Variants in AGAP1 observed in about 807,000 individuals in gnomAD.
AGAP1 encodes ArfGAP with GTPase domain, ankyrin repeat and PH domain 1.
In AGAP1, 29 loss-of-function variants were observed where a neutral mutation model predicts 105.3. The observed-to-expected ratio is 0.28, with a 90% confidence interval of 0.21 to 0.38. The LOEUF (loss-of-function observed/expected upper bound fraction) is 0.38. Among genes scored for constraint, AGAP1 ranks in the 10% least tolerant of loss-of-function variants. The pLI is 1.00. For missense variants in AGAP1, 998 were observed against 1,165.1 expected (o/e 0.86, Z 2.09); for synonymous variants, 509 against 485.9 (o/e 1.05, Z -0.63).
intron 10 of AGAP1, among the ~76,000 whole-genome samples, chr2:235,895,866 C>G (rs2050783412): frequency 6.6e-6 from 1 of 152,200 alleles, no homozygotes; most frequent in Non-Finnish European, 1.5e-5. Flanking sequence ...AGAAATATGT[C>G]TCAGCCATAT....
At chr2:235,773,348 A>G (rs1002672246) in intron 6 of AGAP1, among the ~76,000 whole-genome samples, 1 of 152,222 alleles carries the variant, frequency 6.6e-6, no homozygotes, top group African/African-American at 2.4e-5. Flanking sequence ...GATTTGGCCT[A>G]CGGTCAGTCT....
intron 1 of AGAP1, among the ~76,000 whole-genome samples, chr2:235,673,826 C>T (rs1366447086): frequency 1.3e-5 from 2 of 152,128 alleles, no homozygotes; most frequent in Non-Finnish European, 2.9e-5. Flanking sequence ...GTTTTTCTTC[C>T]GTTAGAATCT....
rs558271386 is a variant in AGAP1 at position 236,092,186 on chromosome 2, G to A, written c.2115-28006G>A. On this transcript the variant is annotated intron_variant, in intron 16 of 17. Transcript: ENST00000304032. The surrounding 1 kb of genome is among the most constrained non-coding windows in gnomAD (Gnocchi z 4.7). ...CTTGACTGGTGCTAGATACAGGAACGTACATGTGACCAAATTGCATTGAAC... is the reference window on the plus strand; with the variant it reads ...CTTGACTGGTGCTAGATACAGGAACATACATGTGACCAAATTGCATTGAAC... Among the ~76,000 whole-genome samples, 63 of 152,252 alleles carry A rather than the reference G, an allele frequency of 4.1e-4. No homozygotes were observed. Among genetic ancestry groups the A allele is most frequent in the African/African-American group, 1.5e-3 (61 of 41,568 alleles).
At chr2:235,495,341 G>T (rs1941269645) in intron 1 of AGAP1, among the ~76,000 whole-genome samples, 1 of 152,250 alleles carries the variant, frequency 6.6e-6, no homozygotes, top group African/African-American at 2.4e-5. Flanking sequence ...GCTTAATTCA[G>T]GGGTGCAGTT....
intron 2 of AGAP1, among the ~76,000 whole-genome samples, chr2:235,713,174 C>T (rs1465736408): frequency 6.6e-6 from 1 of 152,180 alleles, no homozygotes; most frequent in Non-Finnish European, 1.5e-5. Context: ...TTTTCTTCCT[C>T]GAGAAAGAGA....
At position 235,728,724 on chromosome 2, in the gene AGAP1, A is replaced by G. The variant is rs1951783416; in HGVS notation, c.310+11080A>G. The stretch of plus-strand genomic sequence containing the variant: ...TAACACCACCATAAGCAAGAAGGAA[A>G]AAATCAACACTTGCTCTTTGAAGGC... On this transcript the variant is annotated intron_variant, in intron 3 of 17. Coordinates refer to ENST00000304032, the MANE Select transcript of AGAP1 (RefSeq NM_001037131.3). This position sits in a 1 kb window ranked among gnomAD's most constrained non-coding sequence, Gnocchi z 4.3. Among the ~76,000 whole-genome samples the G allele has an allele frequency of 6.6e-6, 1 of 152,206 alleles. No homozygotes were observed. Among genetic ancestry groups the G allele is most frequent in the African/African-American group, 2.4e-5 (1 of 41,456 alleles).
intron 1 of AGAP1, among the ~76,000 whole-genome samples, chr2:235,529,173 AG>A (rs1942957705): frequency 6.6e-6 from 1 of 152,194 alleles, no homozygotes; most frequent in African/African-American, 2.4e-5. Flanking sequence ...CCCTGTGGCC[AG>A]GCAAGTGTTG....
At chr2:235,607,772 G>A (rs1945995350) in intron 1 of AGAP1, among the ~76,000 whole-genome samples, 1 of 152,228 alleles carries the variant, frequency 6.6e-6, no homozygotes, top group African/African-American at 2.4e-5. Flanking sequence ...AGGGCAGCGG[G>A]GCGCGAGACT....
intron 1 of AGAP1, among the ~76,000 whole-genome samples, chr2:235,672,783 T>G (rs1331199074): frequency 6.6e-6 from 1 of 152,240 alleles, no homozygotes; most frequent in African/African-American, 2.4e-5. Context: ...CATTTCATTG[T>G]GGTCCCTCTT....
intron 9 of AGAP1, among the ~76,000 whole-genome samples, chr2:235,859,242 C>T (rs2048813350): frequency 6.6e-6 from 1 of 151,910 alleles, no homozygotes; most frequent in Admixed American, 6.6e-5. Context: ...TTGTTAACTC[C>T]CTCTCCACCC....
At chr2:236,074,738 T>G (rs1470760775) in intron 16 of AGAP1, among the ~76,000 whole-genome samples, 1 of 152,198 alleles carries the variant, frequency 6.6e-6, no homozygotes, top group African/African-American at 2.4e-5. Context: ...TCTATAGAAT[T>G]AACATAAAGG....
rs1382616992 is a variant in AGAP1 at position 235,953,707 on chromosome 2, G to C, written c.1484-14755G>C. On this transcript the variant is annotated intron_variant, in intron 12 of 17. Transcript: ENST00000304032. This position sits in a 1 kb window ranked among gnomAD's most constrained non-coding sequence, Gnocchi z 5.2. ...GTGCTTTGGGAGGCCAAAGCAGAAG[G>C]ATCACTCAAGCTAGGAGTTTGAGAC... 6.6e-6 allele frequency among the ~76,000 whole-genome samples: 1 copy of C among 152,122 alleles called. No individual in the cohort carries two copies. Among genetic ancestry groups the C allele is most frequent in the East Asian group, 1.9e-4 (1 of 5,174 alleles).
chr2:235,683,856 T>TCCC (rs1949229926), intron 1 of AGAP1, among the ~76,000 whole-genome samples: 1 of 145,430 alleles, frequency 6.9e-6, no homozygotes, highest in Admixed American at 6.9e-5. Flanking sequence ...AAGCCCCCCG[T>TCCC]CCCCCGCCCG....
At chr2:236,097,049 C>G (rs1450026190) in intron 16 of AGAP1, among the ~76,000 whole-genome samples, 3 of 152,112 alleles carry the variant, frequency 2.0e-5, no homozygotes, top group African/African-American at 7.2e-5. Flanking sequence ...CAAATCTGTC[C>G]TTATGGTTTG....
chr2:235,512,936 G>A (rs1480378830), intron 1 of AGAP1, among the ~76,000 whole-genome samples: 3 of 152,200 alleles, frequency 2.0e-5, no homozygotes, highest in African/African-American at 7.2e-5. Flanking sequence ...GCTCCCGGCC[G>A]GCCTAGGCCC....
chr2:235,621,901 A>ACC lies in AGAP1; in HGVS notation c.164-87272_164-87271dup, dbSNP rs35601541. 4.4e-4 allele frequency among the ~76,000 whole-genome samples: 66 copies of ACC among 150,976 alleles called. No individual in the cohort carries two copies. Among genetic ancestry groups the ACC allele is most frequent in the Middle Eastern group, 3.4e-3 (1 of 290 alleles). On this transcript the variant is annotated intron_variant, in intron 1 of 17. Transcript: ENST00000304032. The surrounding 1 kb of genome is among the most constrained non-coding windows in gnomAD (Gnocchi z 4.1). ...GCGATCGGAAGGGAGTGCCGCGCAGACCCCCCCACCCCCTCAGAACAGCGG... is the reference window on the plus strand; with the variant it reads ...GCGATCGGAAGGGAGTGCCGCGCAGACCCCCCCCCACCCCCTCAGAACAGCGG...
intron 16 of AGAP1, among the ~76,000 whole-genome samples, chr2:236,100,326 C>T (rs73127532): frequency 0.019 from 2,916 of 152,212 alleles, 97 homozygotes; most frequent in African/African-American, 0.067. Context: ...CTCCTGATCC[C>T]ATTAGTGATA....
intron 1 of AGAP1, chr2:235,670,540 G>A (rs1948341403): frequency 8.3e-6 from 4 of 481,240 alleles, no homozygotes; most frequent in Admixed American, 4.4e-5. Flanking sequence ...CCCGGGCCGC[G>A]CCCCTGCGGC....
rs2149270777 is a variant in AGAP1, at chr2:235,621,331, A to C, written c.164-87848A>C. 6.6e-6 allele frequency among the ~76,000 whole-genome samples: 1 copy of C among 152,226 alleles called. No homozygotes were observed. Among genetic ancestry groups the C allele is most frequent in the South Asian group, 2.1e-4 (1 of 4,820 alleles). ...GCCACCACGCCCAGCCGATCTATTT[A>C]ATTTCATTGTGCCTTGGTTTCTTCA... On this transcript the variant is annotated intron_variant, in intron 1 of 17. Coordinates refer to ENST00000304032, the MANE Select transcript of AGAP1 (RefSeq NM_001037131.3). The surrounding 1 kb of genome is among the most constrained non-coding windows in gnomAD (Gnocchi z 4.1).
Sources: allele counts gnomAD v4.1 joint callset (sites outside exome capture counted in the v4.1 genomes callset), GRCh38; gene constraint gnomAD v4.1.1; non-coding constraint Gnocchi (gnomAD v3.1); transcripts MANE v1.5; gene names NCBI Gene and HGNC (gene_info 2026-07-23, HGNC 2026-07-21).